Variants in SCP2 observed in about 807,000 individuals in gnomAD.
SCP2 encodes SCP-2/3-oxoacyl-CoA thiolase.
In SCP2, 48 loss-of-function variants were observed where a neutral mutation model predicts 71.4. The ratio of observed to expected loss-of-function variants is 0.67; its 90% CI spans 0.53 to 0.86. The LOEUF is 0.86. SCP2 is among the 40% of genes least tolerant of loss of function. The pLI is 0.00. For missense variants in SCP2, 560 were observed against 655.6 expected, an observed-to-expected ratio of 0.85 and a Z score of 1.59; for synonymous variants, 220 against 218.1, an observed-to-expected ratio of 1.01 and a Z score of -0.08.
At chr1:52,988,297 A>G (rs1459698476) in intron 11 of SCP2, among the ~76,000 whole-genome samples, 161 bp downstream of exon 11, 1 of 152,252 alleles carries the variant, frequency 6.6e-6, no homozygotes, top group Non-Finnish European at 1.5e-5. Flanking sequence ...CATTAAGTAG[A>G]GCACACTTAA....
chr1:52,993,577 C>T, intron 11 of SCP2: 1 of 1,611,462 alleles, frequency 6.2e-7, no homozygotes, highest in Non-Finnish European at 8.5e-7. Context: ...ACTGTTCTCT[C>T]ATGGCTCCAA....
chr1:52,960,335 C>T (rs1003522122), intron 5 of SCP2, among the ~76,000 whole-genome samples: 15 of 151,774 alleles, frequency 9.9e-5, no homozygotes, highest in Admixed American at 3.9e-4. Flanking sequence ...AAATTAGCCA[C>T]GCCCAGCTAA....
At chr1:52,975,754 T>C (rs909394501) in intron 7 of SCP2, among the ~76,000 whole-genome samples, 3 of 152,176 alleles carry the variant, frequency 2.0e-5, no homozygotes, top group African/African-American at 7.2e-5. Context: ...ATAAATATGG[T>C]ATTCTGTTTT....
At chr1:52,954,681 TGG>T in intron 4 of SCP2, 57 bp from the exon 5 acceptor site, 1 of 1,287,360 alleles carries the variant, frequency 7.8e-7, no homozygotes, top group Non-Finnish European at 1.1e-6. Flanking sequence ...AAGTATTTAA[TGG>T]TATTTTGTTG....
chr1:52,996,580 C>T (rs1378864923), intron 11 of SCP2, among the ~76,000 whole-genome samples: 1 of 152,196 alleles, frequency 6.6e-6, no homozygotes. Flanking sequence ...TTTTCAGTCT[C>T]CCTCCAAGCT....
chr1:52,964,246 C>T (rs61131627), intron 6 of SCP2, among the ~76,000 whole-genome samples: 2,418 of 144,572 alleles, frequency 0.017, 40 homozygotes, highest in African/African-American at 0.058. Flanking sequence ...CAGAGTCTCG[C>T]TCTGGAGTGC....
chr1:52,984,372 T>C (rs1310651282), intron 10 of SCP2, among the ~76,000 whole-genome samples: 1 of 152,146 alleles, frequency 6.6e-6, no homozygotes, highest in Non-Finnish European at 1.5e-5. Context: ...TTTATTTACT[T>C]TTCAGAGTCC....
At chr1:52,955,652 T>C (rs765943852) in intron 5 of SCP2, among the ~76,000 whole-genome samples, 2 of 152,206 alleles carry the variant, frequency 1.3e-5, no homozygotes, top group African/African-American at 2.4e-5. Flanking sequence ...AAACCATGAA[T>C]TGAATCTAAA....
At chr1:53,045,154 A>C (rs1572236083) in intron 14 of SCP2, among the ~76,000 whole-genome samples, 1 of 152,112 alleles carries the variant, frequency 6.6e-6, no homozygotes, top group African/African-American at 2.4e-5. Context: ...AAATGAGTAC[A>C]CCTCCAAGGT....
chr1:52,974,443 C>G (rs956608228), intron 6 of SCP2, among the ~76,000 whole-genome samples: 1 of 152,054 alleles, frequency 6.6e-6, no homozygotes, highest in Non-Finnish European at 1.5e-5. Flanking sequence ...TGACAGACTC[C>G]TAGAGGAATT....
At chr1:53,005,616 C>G (rs549402827) in intron 11 of SCP2, among the ~76,000 whole-genome samples, 1 of 152,190 alleles carries the variant, frequency 6.6e-6, no homozygotes, top group Non-Finnish European at 1.5e-5. Flanking sequence ...AAAACCCCAT[C>G]TGTACGTCAC....
At chr1:52,998,079 A>G (rs1660056127) in intron 11 of SCP2, among the ~76,000 whole-genome samples, 1 of 152,166 alleles carries the variant, frequency 6.6e-6, no homozygotes, top group Non-Finnish European at 1.5e-5. Flanking sequence ...TTTTATCAGT[A>G]GTTCTTTTTT....
At chr1:52,996,683 CT>C (rs1235371454) in intron 11 of SCP2, among the ~76,000 whole-genome samples, 1 of 152,136 alleles carries the variant, frequency 6.6e-6, no homozygotes, top group Non-Finnish European at 1.5e-5. Context: ...TCCCTTTCCC[CT>C]GATTAGAGAA....
intron 11 of SCP2, among the ~76,000 whole-genome samples, chr1:53,013,052 A>G (rs1661081584): frequency 6.7e-6 from 1 of 149,198 alleles, no homozygotes; most frequent in South Asian, 2.1e-4. Flanking sequence ...GACCTTCCTC[A>G]TTAATTTCTA....
At chr1:52,939,344 G>A (rs1171967374) in intron 1 of SCP2, among the ~76,000 whole-genome samples, 2 of 152,138 alleles carry the variant, frequency 1.3e-5, no homozygotes, top group Admixed American at 1.3e-4. Context: ...CCCGGAGTTC[G>A]AGATCAGCCT....
chr1:52,979,347 A>ATT (rs59807820), intron 9 of SCP2, among the ~76,000 whole-genome samples: 5 of 138,086 alleles, frequency 3.6e-5, no homozygotes, highest in African/African-American at 1.1e-4. Context: ...AAGTTTTTGT[A>ATT]TTTTTTTTTT....
At chr1:53,050,050 AGTT>A (rs1361499283) in intron 15 of SCP2, 2 of 153,198 alleles carry the variant, frequency 1.3e-5, no homozygotes, top group Non-Finnish European at 2.9e-5. Context: ...AATCCCAGGC[AGTT>A]GTTAAATGGA....
intron 1 of SCP2, among the ~76,000 whole-genome samples, chr1:52,934,288 T>C (rs1209176411): frequency 6.6e-6 from 1 of 152,200 alleles, no homozygotes; most frequent in East Asian, 1.9e-4. Context: ...AAAACTTGTA[T>C]CTGCTTCATA....
At chr1:52,940,495 G>C (rs1654129138) in intron 1 of SCP2, 1 of 154,362 alleles carries the variant, frequency 6.5e-6, no homozygotes, top group Admixed American at 6.5e-5. Flanking sequence ...TTGTGAGTTG[G>C]CTCCAGACCT....
Sources: allele counts gnomAD v4.1 joint callset (sites outside exome capture counted in the v4.1 genomes callset), GRCh38; gene constraint gnomAD v4.1.1; transcripts MANE v1.5; gene names NCBI Gene and HGNC (gene_info 2026-07-23, HGNC 2026-07-21).